FN1: variants seen among roughly 807,000 people sequenced by gnomAD.
FN1 encodes the protein fibronectin.
Under a neutral mutation model 297.3 loss-of-function variants are expected in FN1, and 106 were observed. That is an observed-to-expected ratio of 0.36 (90% CI 0.30 to 0.42). FN1 has a LOEUF of 0.42. Among genes scored for constraint, FN1 ranks in the 10% least tolerant of loss-of-function variants. The pLI is 1.00. For synonymous variants in FN1, 1,149 were observed against 1,152.6 expected (o/e 1.00, Z 0.06); for missense variants, 2,690 against 3,124.9 (o/e 0.86, Z 3.32).
chr2:215,421,705 T>C (rs1357865637), intron 10 of FN1, among the ~76,000 whole-genome samples: 2 of 152,234 alleles, frequency 1.3e-5, no homozygotes, highest in African/African-American at 4.8e-5. Flanking sequence ...GAAATCTGGA[T>C]CTGTAAGGAT....
chr2:215,434,859 T>C, intron 1 of FN1, 35 bp from the exon 2 acceptor site: 1 of 1,606,172 alleles, frequency 6.2e-7, no homozygotes. Context: ...TACATTTGCA[T>C]TTCTCCTTTT....
chr2:215,395,179 A>G (rs1381473670), intron 23 of FN1, among the ~76,000 whole-genome samples: 1 of 152,172 alleles, frequency 6.6e-6, no homozygotes, highest in Admixed American at 6.5e-5. Flanking sequence ...CACATTCCCC[A>G]GAGAGCTCTC....
Position 215,397,822 on chromosome 2 carries a change from T to TC in FN1, c.3374dup (p.Glu1126ArgfsTer62). On this transcript the variant is annotated frameshift_variant, in exon 22 of 46. Coordinates refer to ENST00000354785, the MANE Select transcript of FN1 (RefSeq NM_212482.4). LOFTEE classifies it high-confidence loss of function. ...CTGAAGTCACTTCTCGTGGTGCCTC[T>TC]CCTCCCTGGCTTGGTCGTACACCCA... The TC allele has an allele frequency of 1.2e-6, 2 of 1,614,100 alleles. No individual in the cohort carries two copies. The highest frequency in any genetic ancestry group is 8.5e-7 in the Non-Finnish European group (1 of 1,179,980).
intron 19 of FN1, 54 bp from the exon 20 acceptor site, chr2:215,404,709 ACT>A: frequency 6.6e-7 from 1 of 1,511,170 alleles, no homozygotes; most frequent in Non-Finnish European, 9.2e-7. Flanking sequence ...AATGATCATA[ACT>A]CAAGTCCTGA....
chr2:215,423,180 TCACACACACACA>T (rs9288509), intron 9 of FN1, among the ~76,000 whole-genome samples, 158 bp downstream of exon 9: 1 of 148,766 alleles, frequency 6.7e-6, no homozygotes, highest in Non-Finnish European at 1.5e-5. Context: ...TGATGTAACA[TCACACACACACA>T]CACACACACA....
At position 215,422,098 on chromosome 2, in the gene FN1, C is replaced by G. The variant is rs770432586; in HGVS notation, c.1539G>C (p.Gln513His). 1 of 1,614,180 alleles carries G rather than the reference C, an allele frequency of 6.2e-7. No homozygotes were observed. Among genetic ancestry groups the G allele is most frequent in the East Asian group, 2.2e-5 (1 of 44,884 alleles). Residue 513 changes from glutamine to histidine, a missense_variant, in exon 10 of 46, where the codon CAG becomes CAC. By Grantham distance (24) the Gln-to-His change is conservative. Coordinates refer to ENST00000354785, the MANE Select transcript of FN1 (RefSeq NM_212482.4). ...RGEWTCIAYS[Q>H]LRDQCIVDDI... ...GTTAATCAGCCAGCATACCTCGAAG[C>G]TGCGAGTAGGCAATGCATGTCCATT...
At chr2:215,426,084 T>C (rs901845964) in intron 6 of FN1, among the ~76,000 whole-genome samples, 1 of 152,040 alleles carries the variant, frequency 6.6e-6, no homozygotes, top group Non-Finnish European at 1.5e-5. Flanking sequence ...CAATTGATCC[T>C]CTTAAGACAG....
chr2:215,373,551 C>T, intron 38 of FN1, 140 bp from the exon 39 acceptor site: 2 of 707,840 alleles, frequency 2.8e-6, no homozygotes, highest in Non-Finnish European at 5.2e-6. Flanking sequence ...AAATCGACTT[C>T]ACTTTTCCTC....
At chr2:215,373,671 CTTT>C (rs58966623) in intron 38 of FN1, among the ~76,000 whole-genome samples, 15 of 125,466 alleles carry the variant, frequency 1.2e-4, no homozygotes, top group African/African-American at 4.1e-4. Flanking sequence ...CCAGGGTATT[CTTT>C]TTTTTTTTTT....
intron 20 of FN1, among the ~76,000 whole-genome samples, chr2:215,402,888 C>A (rs1248666533): frequency 1.3e-5 from 2 of 152,094 alleles, no homozygotes; most frequent in Non-Finnish European, 2.9e-5. Flanking sequence ...TCTTGGCCCA[C>A]CACCTTCCCT....
intron 19 of FN1, 65 bp from the exon 20 acceptor site, chr2:215,404,720 G>A (rs2061552598): frequency 7.0e-7 from 1 of 1,424,070 alleles, no homozygotes; most frequent in Admixed American, 1.7e-5. Context: ...CTCAAGTCCT[G>A]AAACTTGATT....
chr2:215,369,507 A>ATGCC (rs1443865897), intron 41 of FN1, among the ~76,000 whole-genome samples: 1 of 152,196 alleles, frequency 6.6e-6, no homozygotes, highest in Non-Finnish European at 1.5e-5. Context: ...CACTTGGCAT[A>ATGCC]GACAGGACTT....
intron 4 of FN1, 132 bp from the exon 5 acceptor site, chr2:215,430,984 G>C (rs2066412763): frequency 1.2e-6 from 1 of 864,902 alleles, no homozygotes; most frequent in Non-Finnish European, 1.9e-6. Context: ...TGTTCAGAAA[G>C]AATGACACAC....
At chr2:215,434,650 C>T in intron 2 of FN1, 46 bp downstream of exon 2, 3 of 1,610,528 alleles carry the variant, frequency 1.9e-6, no homozygotes, top group Non-Finnish European at 2.5e-6. Flanking sequence ...ACAATTACCA[C>T]TTCATGTATT....
In FN1 at chr2:215,435,520, G is replaced by C. The variant is rs1375496163; in HGVS notation, c.148+135C>G. On this transcript the variant is annotated intron_variant, in intron 1 of 45. Transcript: ENST00000354785. The stretch of plus-strand genomic sequence containing the variant: ...TGCTCAAAACTCGGTCCTTTTGTGT[G>C]CACAGCTGGTTTCTCTCAGTAAAGC... 3 of 1,307,588 alleles carry C rather than the reference G, an allele frequency of 2.3e-6. No individual in the cohort carries two copies. In the African/African-American group the frequency reaches 4.4e-5, roughly 19 times the overall value. The allele number at this position is 1,307,588 out of a possible 1,614,324, so 81.0% of individuals were successfully genotyped here. A position where few individuals can be genotyped will look rare whatever the true frequency, so the allele number is the denominator to read the frequency against.
At position 215,376,592 on chromosome 2, in the gene FN1, C is replaced by T. The variant is rs537472128; in HGVS notation, c.5793G>A (p.Thr1931=). 8.1e-6 allele frequency: 13 copies of T among 1,613,778 alleles called. No homozygotes were observed. In the African/African-American group the frequency reaches 9.3e-5, roughly 12 times the overall value. Reference sequence around the variant, plus strand: ...CGGCATCAACTTGGAAGCCAGTGATCGTCTCAGTCTTGGTTCTCCAGCTAA... The same window carrying T: ...CGGCATCAACTTGGAAGCCAGTGATTGTCTCAGTCTTGGTTCTCCAGCTAA... ...ITISWRTKTE[T]ITGFQVDAVP... Residue 1931 remains threonine (T), a synonymous_variant, in exon 36 of 46, where the codon ACG becomes ACA. Transcript: ENST00000354785.
chr2:215,406,596 T>A, intron 18 of FN1, 86 bp from the exon 19 acceptor site: 1 of 1,372,120 alleles, frequency 7.3e-7, no homozygotes, highest in Admixed American at 1.9e-5. Context: ...GTTAGGCAGT[T>A]CATTGAGCCT....
chr2:215,363,889 C>A (rs2054012932), intron 44 of FN1, among the ~76,000 whole-genome samples: 1 of 152,166 alleles, frequency 6.6e-6, no homozygotes, highest in African/African-American at 2.4e-5. Context: ...GTTGCCAAGG[C>A]CCTCCATAAG....
At chr2:215,362,214 TTGA>T (rs2053603734) in intron 44 of FN1, 135 bp from the exon 45 acceptor site, 6 of 701,488 alleles carry the variant, frequency 8.6e-6, no homozygotes, top group African/African-American at 1.7e-5. Flanking sequence ...TAAGCAAGCT[TTGA>T]TGATGATTTC....
Sources: allele counts gnomAD v4.1 joint callset (sites outside exome capture counted in the v4.1 genomes callset), GRCh38; gene constraint gnomAD v4.1.1; transcripts MANE v1.5; gene names NCBI Gene and HGNC (gene_info 2026-07-23, HGNC 2026-07-21).